GALC: variants seen among roughly 807,000 people sequenced by gnomAD.
The protein encoded by GALC is galactocerebrosidase.
In GALC, 77 loss-of-function variants were observed where a neutral mutation model predicts 91.8. That is an observed-to-expected ratio of 0.84 (90% CI 0.70 to 1.01). GALC has a LOEUF of 1.01. Ranked by LOEUF, GALC falls within the 50% of genes least tolerant of loss-of-function variation. The probability of loss-of-function intolerance (pLI) is 0.00; values close to 1 mark genes in which losing one functional copy is unlikely to be tolerated. For synonymous variants in GALC, 357 were observed against 306.7 expected, an observed-to-expected ratio of 1.16 and a Z score of -1.71; for missense variants, 882 against 855.9, an observed-to-expected ratio of 1.03 and a Z score of -0.38.
intron 9 of GALC, among the ~76,000 whole-genome samples, chr14:87,964,939 A>G (rs938619410): frequency 2.0e-5 from 3 of 152,160 alleles, no homozygotes; most frequent in Non-Finnish European, 4.4e-5. Flanking sequence ...TGAGCTTTAC[A>G]TTGTTACCTA....
chr14:87,954,458 T>G, intron 10 of GALC: 1 of 1,587,570 alleles, frequency 6.3e-7, no homozygotes, highest in Non-Finnish European at 8.6e-7. Context: ...AGGTTATATT[T>G]GGGAATTTAA....
intron 14 of GALC, among the ~76,000 whole-genome samples, chr14:87,944,886 C>CT (rs1885001202): frequency 6.6e-6 from 1 of 151,794 alleles, no homozygotes; most frequent in Non-Finnish European, 1.5e-5. Flanking sequence ...GTATGTGTTT[C>CT]TTTTCCCACA....
intron 14 of GALC, among the ~76,000 whole-genome samples, chr14:87,943,081 T>C (rs1269454769): frequency 3.3e-5 from 5 of 152,082 alleles, no homozygotes; most frequent in Non-Finnish European, 7.4e-5. Context: ...CCAGAATAAG[T>C]GATTCTTGCA....
intron 7 of GALC, among the ~76,000 whole-genome samples, chr14:87,970,762 G>C (rs1183250498): frequency 6.6e-6 from 1 of 150,650 alleles, no homozygotes; most frequent in Non-Finnish European, 1.5e-5. Context: ...CCAGCTACTT[G>C]GGAGGCTGAG....
chr14:87,957,188 G>A (rs1424162573), intron 10 of GALC, among the ~76,000 whole-genome samples: 1 of 151,970 alleles, frequency 6.6e-6, no homozygotes, highest in Non-Finnish European at 1.5e-5. Context: ...ATTTGTAAAT[G>A]TCTTCTCCCA....
intron 10 of GALC, chr14:87,953,357 A>T (rs1885389109): frequency 7.0e-7 from 1 of 1,419,622 alleles, no homozygotes; most frequent in African/African-American, 1.4e-5. Flanking sequence ...TCTGAAGAGA[A>T]TTCCATTCAA....
intron 9 of GALC, 83 bp from the exon 10 acceptor site, chr14:87,963,594 A>G: frequency 8.4e-7 from 1 of 1,187,534 alleles, no homozygotes. Flanking sequence ...GCTGTATATC[A>G]ATTTGAGTCT....
rs1885437922 is a variant in GALC, at chr14:87,954,523, G to A, written c.1162-3775C>T. ...TAGAAAACCTAAAATCGCATACAAT[G>A]CCTTGGTCATCCTGTGAGTGCTTGT... is the stretch of plus-strand genomic sequence containing the variant. On this transcript the variant is annotated intron_variant, in intron 10 of 16. Transcript: ENST00000261304. The A allele has an allele frequency of 1.9e-6, 3 of 1,559,334 alleles. No individual in the cohort carries two copies. The East Asian group carries it at 7.0e-5, about 36-fold the overall frequency.
At chr14:87,939,510 T>C (rs990489154) in intron 16 of GALC, among the ~76,000 whole-genome samples, 1 of 151,930 alleles carries the variant, frequency 6.6e-6, no homozygotes, top group African/African-American at 2.4e-5. Context: ...CTAAAAATTA[T>C]GCTTATAATT....
intron 16 of GALC, among the ~76,000 whole-genome samples, chr14:87,936,023 G>C (rs1884552948): frequency 6.6e-6 from 1 of 151,946 alleles, no homozygotes; most frequent in Non-Finnish European, 1.5e-5. Context: ...TCAAATCACA[G>C]ATCACATTAA....
intron 8 of GALC, among the ~76,000 whole-genome samples, chr14:87,966,412 T>G (rs546594564): frequency 2.0e-5 from 3 of 152,158 alleles, no homozygotes; most frequent in East Asian, 3.9e-4. Flanking sequence ...GGGAAGTTAT[T>G]GAACTTGGTA....
intron 10 of GALC, chr14:87,953,422 G>C: frequency 2.0e-6 from 3 of 1,482,836 alleles, no homozygotes; most frequent in Non-Finnish European, 2.8e-6. Flanking sequence ...ATATTCTCTT[G>C]AACATTTTAG....
In GALC at chr14:87,934,495, G is replaced by A; in HGVS notation, c.*237C>T. 11 of 1,400,070 alleles carry A rather than the reference G, an allele frequency of 7.9e-6. No homozygotes were observed. The highest frequency in any genetic ancestry group is 1.0e-5 in the Non-Finnish European group (11 of 1,079,680). 86.7% of individuals were successfully genotyped at this position (1,400,070 alleles called of 1,614,324 possible). ...TAAGGGTATGGCCAATGCACAGTTT[G>A]AATGTTAGGGAACACACCAGGTAAT... On this transcript the variant is annotated 3_prime_UTR_variant, in exon 17 of 17. Coordinates refer to ENST00000261304, the MANE Select transcript of GALC (RefSeq NM_000153.4).
At chr14:87,939,085 T>C (rs1884715351) in intron 16 of GALC, among the ~76,000 whole-genome samples, 1 of 151,908 alleles carries the variant, frequency 6.6e-6, no homozygotes, top group Non-Finnish European at 1.5e-5. Context: ...TTGGAAAAAA[T>C]CTTCAAATTC....
intron 15 of GALC, among the ~76,000 whole-genome samples, chr14:87,941,034 C>G (rs1414549932): frequency 6.6e-6 from 1 of 151,896 alleles, no homozygotes; most frequent in Non-Finnish European, 1.5e-5. Context: ...ACAGCAGCAA[C>G]AGTCGTATAC....
At chr14:87,990,657 G>A (rs186561010) in intron 1 of GALC, among the ~76,000 whole-genome samples, 2 of 152,200 alleles carry the variant, frequency 1.3e-5, no homozygotes, top group East Asian at 3.8e-4. Flanking sequence ...GCGTTTTGCT[G>A]TCTAGGGTTT....
At chr14:87,975,389 T>C (rs868070158) in intron 7 of GALC, among the ~76,000 whole-genome samples, 6 of 152,108 alleles carry the variant, frequency 3.9e-5, no homozygotes, top group African/African-American at 1.2e-4. Flanking sequence ...AACTATAAGA[T>C]AATAATGGAT....
At chr14:87,965,657 C>T in intron 8 of GALC, 28 bp from the exon 9 acceptor site, 1 of 1,611,248 alleles carries the variant, frequency 6.2e-7, no homozygotes, top group Non-Finnish European at 8.5e-7. Context: ...AAAGAAACAC[C>T]AAGACAACTT....
chr14:87,949,795 C>T (rs753912246), intron 12 of GALC, 50 bp downstream of exon 12: 2 of 874,538 alleles, frequency 2.3e-6, no homozygotes, highest in African/African-American at 1.7e-5. Flanking sequence ...TGCCCTTTTA[C>T]TGTTTTACTG....
Sources: gnomAD v4.1 joint callset for allele counts (sites outside exome capture counted in the v4.1 genomes callset) on GRCh38, gnomAD v4.1.1 for gene constraint, MANE v1.5 for transcripts, NCBI Gene and HGNC (gene_info 2026-07-23, HGNC 2026-07-21) for gene names.